Variants in MACROD2 observed in about 807,000 individuals in gnomAD.
The protein encoded by MACROD2 is ADP-ribose glycohydrolase MACROD2.
MACROD2 carries 36 observed loss-of-function variants against 70.4 expected under a neutral mutation model. The observed-to-expected ratio is 0.51, with a 90% CI of 0.39 to 0.68. MACROD2 has a LOEUF of 0.68. MACROD2 is among the 30% of genes least tolerant of loss of function. The pLI is 0.00. For missense variants in MACROD2, 496 were observed against 538.4 expected (o/e 0.92, Z 0.78); for synonymous variants, 172 against 178.8 (o/e 0.96, Z 0.30).
At chr20:14,842,969 G>A (rs1406651680) in intron 5 of MACROD2, among the ~76,000 whole-genome samples, 1 of 151,964 alleles carries the variant, frequency 6.6e-6, no homozygotes, top group Non-Finnish European at 1.5e-5. Context: ...AAATCCCAGA[G>A]TGTATGTGCC....
chr20:15,859,900 C>A (rs1601008095), intron 8 of MACROD2, among the ~76,000 whole-genome samples: 1 of 152,100 alleles, frequency 6.6e-6, no homozygotes, highest in Non-Finnish European at 1.5e-5. Flanking sequence ...GTCTGCATGG[C>A]TGAGGCAGGC....
chr20:15,439,802 C>G (rs945913987), intron 7 of MACROD2, among the ~76,000 whole-genome samples: 1 of 152,178 alleles, frequency 6.6e-6, no homozygotes, highest in Non-Finnish European at 1.5e-5. Flanking sequence ...CCTGCTTACA[C>G]TCAGGATGAA....
chr20:14,385,892 A>C (rs2083462877), intron 3 of MACROD2, among the ~76,000 whole-genome samples: 2 of 152,202 alleles, frequency 1.3e-5, no homozygotes, highest in South Asian at 2.1e-4. Flanking sequence ...AGGTGTGTGG[A>C]TCTTCCAATA....
At chr20:15,262,749 G>A (rs1787431628) in intron 6 of MACROD2, among the ~76,000 whole-genome samples, 2 of 151,868 alleles carry the variant, frequency 1.3e-5, no homozygotes, top group South Asian at 4.1e-4. Context: ...TTTTAACTGG[G>A]ATAAGATAAT....
chr20:15,713,862 T>C (rs1194958127), intron 8 of MACROD2, among the ~76,000 whole-genome samples: 1 of 152,016 alleles, frequency 6.6e-6, no homozygotes, highest in African/African-American at 2.4e-5. Context: ...AAACTCATAG[T>C]CCATGAAATC....
At chr20:14,027,388 T>C (rs1199863548) in intron 2 of MACROD2, among the ~76,000 whole-genome samples, 1 of 152,172 alleles carries the variant, frequency 6.6e-6, no homozygotes, top group Non-Finnish European at 1.5e-5. Context: ...CTTAGCTTCC[T>C]TGCATTGGGT....
At chr20:15,115,145 A>G (rs1309945980) in intron 5 of MACROD2, among the ~76,000 whole-genome samples, 1 of 152,158 alleles carries the variant, frequency 6.6e-6, no homozygotes, top group Non-Finnish European at 1.5e-5. Context: ...GTTGCAGTCA[A>G]AAAATTCCTA....
In MACROD2 at chr20:15,663,567, C is replaced by T. The variant is rs111955480; in HGVS notation, c.645+163720C>T. Among the ~76,000 whole-genome samples, 443 of 151,700 alleles carry T rather than the reference C, an allele frequency of 2.9e-3. 4 individuals carry two copies. The highest frequency in any genetic ancestry group is 9.6e-3 in the African/African-American group (396 of 41,328). ...TGAATTTTTTATGTGAAAATATTGG[C>T]CACTATTTCAAAACTTAAAACAATT... On this transcript the variant is annotated intron_variant, in intron 8 of 17. Coordinates refer to ENST00000684519, the MANE Select transcript of MACROD2 (RefSeq NM_001351661.2).
intron 8 of MACROD2, among the ~76,000 whole-genome samples, chr20:15,578,948 A>G (rs1370319822): frequency 6.6e-6 from 1 of 152,246 alleles, no homozygotes; most frequent in East Asian, 1.9e-4. Context: ...AATACTAATC[A>G]TTGTTAGCAA....
At chr20:15,754,876 TG>T (rs901562530) in intron 8 of MACROD2, among the ~76,000 whole-genome samples, 5 of 151,594 alleles carry the variant, frequency 3.3e-5, no homozygotes, top group African/African-American at 1.2e-4. Context: ...TTTTTTTTTT[TG>T]CAATGGAATC....
chr20:16,022,196 G>A (rs781618058), intron 15 of MACROD2, among the ~76,000 whole-genome samples: 107 of 151,912 alleles, frequency 7.0e-4, no homozygotes, highest in Non-Finnish European at 2.2e-4. Flanking sequence ...GACTACAGGC[G>A]CCCACTACCA....
intron 8 of MACROD2, among the ~76,000 whole-genome samples, chr20:15,638,209 A>G (rs1353807593): frequency 6.6e-6 from 1 of 152,234 alleles, no homozygotes; most frequent in Non-Finnish European, 1.5e-5. Context: ...ACATGGAAGC[A>G]TGGCAACCTC....
At chr20:15,769,911 A>G (rs571650054) in intron 8 of MACROD2, among the ~76,000 whole-genome samples, 67 of 152,126 alleles carry the variant, frequency 4.4e-4, no homozygotes, top group African/African-American at 1.6e-3. Flanking sequence ...AAATACATGT[A>G]TTTTCATCAA....
At chr20:14,912,688 G>A (rs1430060671) in intron 5 of MACROD2, among the ~76,000 whole-genome samples, 1 of 152,124 alleles carries the variant, frequency 6.6e-6, no homozygotes, top group South Asian at 2.1e-4. Flanking sequence ...TGAAGACTAA[G>A]GCATGAAGGA....
rs75727176 is a variant in MACROD2, at chr20:14,720,305, T to A, written c.418+35346T>A. Among the ~76,000 whole-genome samples, 815 of 152,260 alleles carry A rather than the reference T, an allele frequency of 5.4e-3. 29 individuals carry two copies. Among genetic ancestry groups the A allele is most frequent in the Admixed American group, 0.039 (596 of 15,290 alleles). Reference sequence around the variant, plus strand: ...TCTTTGACTAAACAAGTACTTTTTGTTAAAGGAAGCAGGTAAACTAAAATT... The same window carrying A: ...TCTTTGACTAAACAAGTACTTTTTGATAAAGGAAGCAGGTAAACTAAAATT... On this transcript the variant is annotated intron_variant, in intron 5 of 17. Transcript: ENST00000684519.
rs1435629572 is a variant in MACROD2, at chr20:16,051,128, C to T, written c.*1252C>T. The stretch of plus-strand genomic sequence containing the variant: ...CAGTATAAGGCCAGATGCCTACTTC[C>T]CACAGCCTCCCCGGGTTCCAAAGTC... On this transcript the variant is annotated 3_prime_UTR_variant, in exon 18 of 18. Coordinates refer to ENST00000684519, the MANE Select transcript of MACROD2 (RefSeq NM_001351661.2). 1 of 152,192 alleles carries T rather than the reference C, an allele frequency of 6.6e-6. No homozygotes were observed. Among genetic ancestry groups the T allele is most frequent in the Non-Finnish European group, 1.5e-5 (1 of 68,042 alleles). The allele number at this position is 152,192 out of a possible 1,614,324, so 9.4% of individuals were successfully genotyped here.
intron 5 of MACROD2, among the ~76,000 whole-genome samples, chr20:14,947,007 C>T (rs1055983760): frequency 6.6e-6 from 1 of 152,126 alleles, no homozygotes; most frequent in Non-Finnish European, 1.5e-5. Context: ...AACTCCAAAC[C>T]TGTTTAAGTT....
intron 10 of MACROD2, among the ~76,000 whole-genome samples, chr20:15,898,693 G>C (rs1198977182): frequency 6.6e-6 from 1 of 151,828 alleles, no homozygotes; most frequent in Non-Finnish European, 1.5e-5. Flanking sequence ...TGTTGTTCTT[G>C]AGTCTAGGTT....
At chr20:15,609,021 G>T (rs551112924) in intron 8 of MACROD2, among the ~76,000 whole-genome samples, 1 of 152,050 alleles carries the variant, frequency 6.6e-6, no homozygotes, top group Non-Finnish European at 1.5e-5. Context: ...ATTCTTGTGG[G>T]ATGATGTCCC....
Sources: gnomAD v4.1 joint callset for allele counts (sites outside exome capture counted in the v4.1 genomes callset) on GRCh38, gnomAD v4.1.1 for gene constraint, MANE v1.5 for transcripts, NCBI Gene and HGNC (gene_info 2026-07-23, HGNC 2026-07-21) for gene names.